R3HDM1: variants seen among roughly 807,000 people sequenced by gnomAD.
The protein encoded by R3HDM1 is R3H domain containing 1.
R3HDM1 carries 46 observed loss-of-function variants against 141.1 expected under a neutral mutation model. The ratio of observed to expected loss-of-function variants is 0.33; its 90% CI spans 0.26 to 0.42. The LOEUF (loss-of-function observed/expected upper bound fraction) is 0.42, where lower values mean the gene tolerates loss of function less well. Ranked by LOEUF, R3HDM1 falls within the 10% of genes least tolerant of loss-of-function variation. The probability of loss-of-function intolerance (pLI) is 1.00; values close to 1 mark genes in which losing one functional copy is unlikely to be tolerated. For synonymous variants in R3HDM1, 435 were observed against 472.9 expected (o/e 0.92, Z 1.04); for missense variants, 1,184 against 1,368.3 (o/e 0.87, Z 2.12).
intron 1 of R3HDM1, among the ~76,000 whole-genome samples, chr2:135,533,649 G>A (rs904461681): frequency 1.3e-5 from 2 of 152,222 alleles, no homozygotes; most frequent in Non-Finnish European, 2.9e-5. Context: ...GAGGCTGGGC[G>A]GGCGGATCAC....
chr2:135,705,010 G>C (rs1255204189), intron 21 of R3HDM1, among the ~76,000 whole-genome samples: 3 of 152,156 alleles, frequency 2.0e-5, no homozygotes, highest in Non-Finnish European at 4.4e-5. Flanking sequence ...GAATTAGTAG[G>C]TTAAAGGATG....
At chr2:135,577,190 C>G in intron 1 of R3HDM1, 1 of 982,944 alleles carries the variant, frequency 1.0e-6, no homozygotes, top group African/African-American at 1.8e-5. Context: ...CAGAGACAAC[C>G]AAAGATTGAC....
intron 1 of R3HDM1, among the ~76,000 whole-genome samples, chr2:135,570,006 G>A (rs1248240826): frequency 3.3e-5 from 5 of 152,120 alleles, no homozygotes; most frequent in African/African-American, 7.2e-5. Flanking sequence ...GATTACAGGC[G>A]TGAGCCACCA....
Position 135,710,185 on chromosome 2 carries a change from G to A in R3HDM1, c.2690G>A (p.Arg897Lys), listed in dbSNP as rs1470259879. 3 of 1,614,196 alleles carry A rather than the reference G, an allele frequency of 1.9e-6. No homozygotes were observed. The highest frequency in any genetic ancestry group is 2.2e-5 in the East Asian group (1 of 44,894). ...KQNKYYCDHQ[R>K]GQKCVEFSSV... is the part of the protein sequence containing the mutation. Reference sequence around the variant, plus strand: ...AACAAATATTACTGTGATCACCAGAGAGGACAGAAGTGTGTAGAATTTAGC... The same window carrying A: ...AACAAATATTACTGTGATCACCAGAAAGGACAGAAGTGTGTAGAATTTAGC... Residue 897 changes from arginine to lysine, a missense_variant, in exon 23 of 27, where the codon AGA (arginine) becomes AAA (lysine). Around this residue, in one of 5 missense-constraint regions of R3HDM1, gnomAD observed 563 missense variants for 562.0 expected, o/e 1.00. Transcript: ENST00000683871.
At chr2:135,578,133 A>G (rs1705923117) in intron 1 of R3HDM1, among the ~76,000 whole-genome samples, 1 of 152,192 alleles carries the variant, frequency 6.6e-6, no homozygotes, top group African/African-American at 2.4e-5. Context: ...ATACCCATGC[A>G]GGAGAATGAT....
At chr2:135,645,738 A>G (rs538180064) in intron 16 of R3HDM1, among the ~76,000 whole-genome samples, 69 of 152,338 alleles carry the variant, frequency 4.5e-4, no homozygotes, top group Non-Finnish European at 8.8e-4. Flanking sequence ...AAAGAAGGGA[A>G]TTGTTTTAAT....
chr2:135,701,779 T>C lies in R3HDM1; in HGVS notation c.2460-7654T>C, dbSNP rs897072884. ...AATTTAAAACTTATAAAGTGTTTAT[T>C]TCTGGCATTTTTAATACTTTTGGAC... On this transcript the variant is annotated intron_variant, in intron 21 of 26. Transcript: ENST00000683871. 4.6e-5 allele frequency among the ~76,000 whole-genome samples: 7 copies of C among 152,194 alleles called. No homozygotes were observed. The South Asian group carries it at 6.2e-4, about 14-fold the overall frequency.
chr2:135,609,542 T>C (rs892025322), intron 3 of R3HDM1, among the ~76,000 whole-genome samples: 1 of 152,186 alleles, frequency 6.6e-6, no homozygotes, highest in Admixed American at 6.5e-5. Flanking sequence ...GACTTTATAT[T>C]TTTATGAAAC....
chr2:135,587,011 G>C, intron 1 of R3HDM1: 1 of 980,544 alleles, frequency 1.0e-6, no homozygotes, highest in Non-Finnish European at 1.2e-6. Context: ...CTACCCTTTT[G>C]GGGGAAGAGG....
At chr2:135,623,072 G>T (rs972062942) in intron 7 of R3HDM1, 1 of 969,406 alleles carries the variant, frequency 1.0e-6, no homozygotes, top group Admixed American at 6.2e-5. Context: ...TAAGAACTTA[G>T]TGTATTCACT....
chr2:135,551,560 G>A (rs911599027), intron 1 of R3HDM1, among the ~76,000 whole-genome samples: 7 of 152,182 alleles, frequency 4.6e-5, no homozygotes, highest in Non-Finnish European at 7.4e-5. Flanking sequence ...AAGATATTAC[G>A]AAATAATTGA....
chr2:135,625,191 G>A (rs998435227), intron 7 of R3HDM1, among the ~76,000 whole-genome samples: 7 of 152,108 alleles, frequency 4.6e-5, no homozygotes, highest in African/African-American at 1.4e-4. Context: ...GATTCATGCC[G>A]GTAATCCCAG....
intron 25 of R3HDM1, among the ~76,000 whole-genome samples, chr2:135,722,239 G>A (rs1168404904): frequency 1.8e-4 from 28 of 152,182 alleles, no homozygotes. Flanking sequence ...CAAGGCAGTG[G>A]CTAGGGATTG....
chr2:135,572,041 C>T (rs1166971756), intron 1 of R3HDM1, among the ~76,000 whole-genome samples: 5 of 152,128 alleles, frequency 3.3e-5, no homozygotes, highest in African/African-American at 9.7e-5. Context: ...CTGCAACCTC[C>T]ACCTCCCGGG....
At chr2:135,622,101 A>C in intron 6 of R3HDM1, 3 of 981,884 alleles carry the variant, frequency 3.1e-6, no homozygotes, top group Non-Finnish European at 3.6e-6. Flanking sequence ...CCAGTATTAT[A>C]AATAGTATAA....
chr2:135,611,166 A>G (rs2060507837), intron 3 of R3HDM1, among the ~76,000 whole-genome samples: 1 of 151,810 alleles, frequency 6.6e-6, no homozygotes, highest in Admixed American at 6.6e-5. Flanking sequence ...TCACGCCTGT[A>G]ATCCCAGCAC....
chr2:135,558,229 C>T (rs1701144614), intron 1 of R3HDM1, among the ~76,000 whole-genome samples: 1 of 152,158 alleles, frequency 6.6e-6, no homozygotes, highest in African/African-American at 2.4e-5. Context: ...AACATGGTGG[C>T]CACTAGCCAT....
At chr2:135,611,563 AAC>A (rs1005547184) in intron 3 of R3HDM1, among the ~76,000 whole-genome samples, 1 of 152,184 alleles carries the variant, frequency 6.6e-6, no homozygotes, top group African/African-American at 2.4e-5. Context: ...TTAGTAATAA[AAC>A]AGAGTAAAAC....
chr2:135,690,483 C>T (rs996061913), intron 21 of R3HDM1, among the ~76,000 whole-genome samples: 2 of 152,108 alleles, frequency 1.3e-5, no homozygotes, highest in South Asian at 2.1e-4. Flanking sequence ...GAGGATAGAT[C>T]TTGTGTTAAG....
Sources: allele counts gnomAD v4.1 joint callset (sites outside exome capture counted in the v4.1 genomes callset), GRCh38; gene constraint gnomAD v4.1.1; regional missense constraint gnomAD v4.1.1; transcripts MANE v1.5; gene names NCBI Gene and HGNC (gene_info 2026-07-23, HGNC 2026-07-21).